Variants in SCMH1 observed in about 807,000 individuals in gnomAD.
SCMH1 encodes the protein polycomb protein SCMH1.
A neutral mutation model predicts 70.8 loss-of-function variants in SCMH1; 37 were observed. The ratio of observed to expected loss-of-function variants is 0.52; its 90% CI spans 0.40 to 0.69. The LOEUF is 0.69. SCMH1 is among the 30% of genes least tolerant of loss of function. SCMH1 has a pLI of 0.00. For missense variants in SCMH1, 607 were observed against 827.3 expected, an observed-to-expected ratio of 0.73 and a Z score of 3.27; for synonymous variants, 292 against 307.4, an observed-to-expected ratio of 0.95 and a Z score of 0.52.
In SCMH1 at chr1:41,212,173, C is replaced by T. The variant is rs142649638; in HGVS notation, c.-117-25923G>A. ...AACTTAAAGTATAAATAAATAAATA[C>T]GAAACAAAACAAGTCGGGCACTTTA... is the stretch of plus-strand genomic sequence containing the variant. On this transcript the variant is annotated intron_variant, in intron 1 of 14. Transcript: ENST00000337495. 1.6e-4 allele frequency among the ~76,000 whole-genome samples: 24 copies of T among 152,022 alleles called. No homozygotes were observed. The East Asian group carries it at 2.3e-3, about 15-fold the overall frequency.
chr1:41,053,912 T>G (rs1157514478), intron 10 of SCMH1, among the ~76,000 whole-genome samples: 4 of 152,018 alleles, frequency 2.6e-5, no homozygotes, highest in African/African-American at 9.7e-5. Context: ...TGGCGTGATC[T>G]CGGCTCACTG....
intron 6 of SCMH1, among the ~76,000 whole-genome samples, chr1:41,139,386 C>T (rs558181340): frequency 3.7e-4 from 56 of 152,206 alleles, no homozygotes; most frequent in Admixed American, 1.0e-3. Flanking sequence ...TTTATATCCC[C>T]ATTAAAAAGT....
At chr1:41,093,641 C>A (rs1168497312) in intron 8 of SCMH1, among the ~76,000 whole-genome samples, 2 of 152,232 alleles carry the variant, frequency 1.3e-5, no homozygotes, top group African/African-American at 4.8e-5. Context: ...TTAATCCATG[C>A]CTGATTTTGT....
Position 41,047,357 on chromosome 1 carries a change from G to A in SCMH1, c.1307-759C>T, listed in dbSNP as rs150935160. ...CAGGGAGTAGGCTGGGCCTCAGAAG[G>A]GACATAAGGCTTAATTTCCCAGGCA... On this transcript the variant is annotated intron_variant, in intron 11 of 14. Coordinates refer to ENST00000337495, the Ensembl canonical transcript of SCMH1. 1.1e-3 allele frequency among the ~76,000 whole-genome samples: 173 copies of A among 151,478 alleles called. 1 individual carries two copies. Among genetic ancestry groups the A allele is most frequent in the African/African-American group, 3.8e-3 (156 of 41,290 alleles).
rs186830741 is a variant in SCMH1 at position 41,189,240 on chromosome 1, C to T, written c.-117-2990G>A. Among the ~76,000 whole-genome samples, 73 of 152,274 alleles carry T rather than the reference C, an allele frequency of 4.8e-4. No individual in the cohort carries two copies. In the Middle Eastern group the frequency reaches 0.017, roughly 35 times the overall value. ...TGTTGGCTCACTGCAACCTCTGCCTCGCGGGTTCCAGCGATTCTCCTGCCT... is the reference window on the plus strand; with the variant it reads ...TGTTGGCTCACTGCAACCTCTGCCTTGCGGGTTCCAGCGATTCTCCTGCCT... On this transcript the variant is annotated intron_variant, in intron 1 of 14. Coordinates refer to ENST00000337495, the Ensembl canonical transcript of SCMH1.
In SCMH1 at chr1:41,202,823, A is replaced by G. The variant is rs57034132; in HGVS notation, c.-117-16573T>C. Reference sequence around the variant, plus strand: ...CTCTCCTAGTCTATATGCCTCTCCTACTACCCTTCCCCTGACCCAGGGTCT... The same window carrying G: ...CTCTCCTAGTCTATATGCCTCTCCTGCTACCCTTCCCCTGACCCAGGGTCT... On this transcript the variant is annotated intron_variant, in intron 1 of 14. Coordinates refer to ENST00000337495, the Ensembl canonical transcript of SCMH1. Among the ~76,000 whole-genome samples, 1,173 of 152,204 alleles carry G rather than the reference A, an allele frequency of 7.7e-3. 20 individuals are homozygous for G. Among genetic ancestry groups the G allele is most frequent in the African/African-American group, 0.027 (1,129 of 41,522 alleles).
intron 5 of SCMH1, among the ~76,000 whole-genome samples, chr1:41,144,620 G>A (rs1644388001): frequency 6.6e-6 from 1 of 152,088 alleles, no homozygotes; most frequent in South Asian, 2.1e-4. Context: ...ATATACTTAT[G>A]AGTGAAACTG....
Position 41,171,929 on chromosome 1 carries a change from C to T in SCMH1, c.14-10497G>A, listed in dbSNP as rs569543071. Among the ~76,000 whole-genome samples the T allele has an allele frequency of 1.1e-4, 17 of 152,252 alleles. No homozygotes were observed. In the East Asian group the frequency reaches 1.2e-3, roughly 10 times the overall value. ...AAAGATGGCTGGGCGCGGTGGCTCA[C>T]GCCTGTAATCCCAGCACTTTGGGAG... On this transcript the variant is annotated intron_variant, in intron 2 of 14. Transcript: ENST00000337495.
chr1:41,125,379 A>G (rs1016022700), intron 6 of SCMH1, among the ~76,000 whole-genome samples: 1 of 151,384 alleles, frequency 6.6e-6, no homozygotes, highest in Non-Finnish European at 1.5e-5. Flanking sequence ...TCATGCCCAG[A>G]TAATTTTTGT....
chr1:41,083,246 C>T (rs1354477691), intron 8 of SCMH1, among the ~76,000 whole-genome samples: 1 of 152,208 alleles, frequency 6.6e-6, no homozygotes, highest in Admixed American at 6.5e-5. Context: ...AGCCCAAAAT[C>T]TCCTTAAGCT....
At chr1:41,203,894 C>G (rs1252338424) in intron 1 of SCMH1, among the ~76,000 whole-genome samples, 1 of 152,140 alleles carries the variant, frequency 6.6e-6, no homozygotes, top group East Asian at 1.9e-4. Context: ...AATCTCTGTT[C>G]GGGGCTCTCA....
chr1:41,213,120 T>C (rs919840702), intron 1 of SCMH1, among the ~76,000 whole-genome samples: 1 of 152,214 alleles, frequency 6.6e-6, no homozygotes, highest in Non-Finnish European at 1.5e-5. Flanking sequence ...AAAAGCAATG[T>C]AAGTTGTTAA....
Position 41,070,684 on chromosome 1 carries a change from G to GAGGC in SCMH1, c.1012_1015dup (p.Ser339CysfsTer9). The GAGGC allele has an allele frequency of 1.9e-6, 3 of 1,614,138 alleles. No homozygotes were observed. The highest frequency in any genetic ancestry group is 2.5e-6 in the Non-Finnish European group (3 of 1,179,980). On this transcript the variant is annotated frameshift_variant, in exon 10 of 15. Coordinates refer to ENST00000337495, the Ensembl canonical transcript of SCMH1. LOFTEE classifies it high-confidence loss of function. ...CGGTTCAGGAGTGCTGGTTGTTGGT[G>GAGGC]AGGCAGGTGGTGGGTTCAGCAAAGT...
intron 7 of SCMH1, among the ~76,000 whole-genome samples, chr1:41,114,955 C>T (rs1461166322): frequency 6.6e-6 from 1 of 152,176 alleles, no homozygotes; most frequent in Non-Finnish European, 1.5e-5. Flanking sequence ...GCTGGGATTA[C>T]AGGCATGAGC....
intron 12 of SCMH1, chr1:41,041,556 G>A (rs941068499): frequency 7.2e-5 from 11 of 152,290 alleles, no homozygotes; most frequent in African/African-American, 1.2e-4. Flanking sequence ...GTGGTCCCAC[G>A]AAGGTCCACC....
intron 4 of SCMH1, among the ~76,000 whole-genome samples, chr1:41,155,718 A>G (rs891454488): frequency 1.3e-5 from 2 of 152,012 alleles, no homozygotes; most frequent in Admixed American, 1.3e-4. Flanking sequence ...GCAGTAGTTC[A>G]CTCCTGTAAT....
At chr1:41,226,429 T>C (rs975315884) in intron 1 of SCMH1, among the ~76,000 whole-genome samples, 3 of 152,058 alleles carry the variant, frequency 2.0e-5, no homozygotes, top group Non-Finnish European at 2.9e-5. Context: ...ATAGAAAATT[T>C]CAGATGACAT....
intron 1 of SCMH1, among the ~76,000 whole-genome samples, chr1:41,225,193 G>A (rs1557866136): frequency 1.3e-5 from 2 of 152,076 alleles, no homozygotes; most frequent in African/African-American, 4.8e-5. Context: ...CACACACAGA[G>A]CTTTAATGCA....
rs201725591 is a variant in SCMH1 at position 41,176,642 on chromosome 1, C to A, written c.13+9479G>T. ...TCGGAGGGTCCTATGCCCACGGAGC[C>A]TCGCTCATTGCTAGCACAGCAGTCT... On this transcript the variant is annotated intron_variant, in intron 2 of 14. Transcript: ENST00000337495. 2.8e-4 allele frequency among the ~76,000 whole-genome samples: 42 copies of A among 152,326 alleles called. No homozygotes were observed. In the East Asian group the frequency reaches 7.1e-3, roughly 26 times the overall value.
Sources: allele counts gnomAD v4.1 joint callset (sites outside exome capture counted in the v4.1 genomes callset), GRCh38; gene constraint gnomAD v4.1.1; transcripts MANE v1.5; gene names NCBI Gene and HGNC (gene_info 2026-07-23, HGNC 2026-07-21).